ABCA13: variants seen among roughly 807,000 people sequenced by gnomAD.
The protein encoded by ABCA13 is ATP-binding cassette sub-family A member 13.
Under a neutral mutation model 478.7 loss-of-function variants are expected in ABCA13, and 476 were observed. That is an observed-to-expected ratio of 0.99 (90% CI 0.92 to 1.07). ABCA13 has a LOEUF of 1.07. ABCA13 is among the 50% of genes least tolerant of loss of function. The pLI is 0.00. For synonymous variants in ABCA13, 2,252 were observed against 2,158.9 expected (o/e 1.04, Z -1.20); for missense variants, 6,060 against 5,910.6 (o/e 1.03, Z -0.83).
intron 45 of ABCA13, among the ~76,000 whole-genome samples, chr7:48,473,425 A>G (rs906833811): frequency 6.6e-6 from 1 of 152,154 alleles, no homozygotes; most frequent in African/African-American, 2.4e-5. Context: ...CTGTGAGGGA[A>G]TTCATCTCCC....
intron 7 of ABCA13, among the ~76,000 whole-genome samples, chr7:48,232,663 CTG>C (rs1010506175): frequency 7.9e-5 from 12 of 152,288 alleles, no homozygotes; most frequent in African/African-American, 2.9e-4. Context: ...TCTGAATTCT[CTG>C]TTGTTTAGCA....
chr7:48,485,393 A>G (rs1829193734), intron 47 of ABCA13, among the ~76,000 whole-genome samples: 1 of 152,156 alleles, frequency 6.6e-6, no homozygotes, highest in Non-Finnish European at 1.5e-5. Context: ...AGGGAAGGAA[A>G]TCCCACAGCT....
chr7:48,219,015 T>A (rs1786918706), intron 3 of ABCA13, among the ~76,000 whole-genome samples: 1 of 152,244 alleles, frequency 6.6e-6, no homozygotes, highest in Non-Finnish European at 1.5e-5. Context: ...ATGTCCGTAC[T>A]GTTCACTGAT....
chr7:48,246,291 G>A (rs946015032), intron 13 of ABCA13, among the ~76,000 whole-genome samples: 20 of 152,058 alleles, frequency 1.3e-4, no homozygotes, highest in African/African-American at 4.6e-4. Flanking sequence ...TTCTTTTCTG[G>A]CTTCCTGGAT....
At chr7:48,602,380 C>T (rs1425877253) in intron 58 of ABCA13, among the ~76,000 whole-genome samples, 1 of 152,038 alleles carries the variant, frequency 6.6e-6, no homozygotes, top group Non-Finnish European at 1.5e-5. Flanking sequence ...GTCTTTAATC[C>T]ATCTTGAGTT....
intron 21 of ABCA13, 30 bp downstream of exon 21, chr7:48,295,893 C>G (rs1799292382): frequency 6.4e-7 from 1 of 1,566,640 alleles, no homozygotes. Context: ...CATGCCCTCC[C>G]CAGTACTTCC....
At chr7:48,252,897 T>C (rs1792790138) in intron 15 of ABCA13, among the ~76,000 whole-genome samples, 1 of 152,228 alleles carries the variant, frequency 6.6e-6, no homozygotes, top group South Asian at 2.1e-4. Flanking sequence ...CTCTTGAGAT[T>C]TGGACACTTG....
chr7:48,234,493 G>A (rs952752112), intron 8 of ABCA13, among the ~76,000 whole-genome samples: 1 of 152,190 alleles, frequency 6.6e-6, no homozygotes, highest in Admixed American at 6.5e-5. Context: ...GGAAGATGGT[G>A]CACCAGCTGT....
chr7:48,372,370 G>A lies in ABCA13; in HGVS notation c.11006G>A (p.Ser3669Asn). 1 of 1,613,890 alleles carries A rather than the reference G, an allele frequency of 6.2e-7. No homozygotes were observed. The highest frequency in any genetic ancestry group is 1.1e-5 in the South Asian group (1 of 91,082). The stretch of plus-strand genomic sequence containing the variant: ...GTCGTCATGCTGAGCTACCTCTTGA[G>A]TGCATTTTTCAGCCAAGCTAATACA... Reference protein sequence around the residue: ...MSVVMLSYLLSAFFSQANTAA... With the variant: ...MSVVMLSYLLNAFFSQANTAA... The change falls in exon 33 of 62, where the codon AGT becomes AAT. Residue 3669 changes from serine (S) to asparagine (N), a missense_variant. Coordinates refer to ENST00000435803, the MANE Select transcript of ABCA13 (RefSeq NM_152701.5).
At chr7:48,558,084 A>G (rs1360514325) in intron 55 of ABCA13, among the ~76,000 whole-genome samples, 1 of 150,324 alleles carries the variant, frequency 6.7e-6, no homozygotes, top group Non-Finnish European at 1.5e-5. Flanking sequence ...TATACTGTTA[A>G]GAGGCTCTGA....
chr7:48,490,710 A>T (rs971004763), intron 48 of ABCA13, among the ~76,000 whole-genome samples: 2 of 152,238 alleles, frequency 1.3e-5, no homozygotes, highest in African/African-American at 4.8e-5. Context: ...ATGTAGAGGG[A>T]TAATTGTTGA....
intron 1 of ABCA13, among the ~76,000 whole-genome samples, chr7:48,183,734 G>A (rs893506274): frequency 2.0e-5 from 3 of 152,158 alleles, no homozygotes; most frequent in South Asian, 2.1e-4. Flanking sequence ...ACACAATTCC[G>A]AATGAACGAA....
At position 48,274,481 on chromosome 7, in the gene ABCA13, C is replaced by T. The variant is rs1397389278; in HGVS notation, c.4815C>T (p.Ala1605=). 1.2e-6 allele frequency: 2 copies of T among 1,613,720 alleles called. No individual in the cohort carries two copies. Among genetic ancestry groups the T allele is most frequent in the African/African-American group, 1.3e-5 (1 of 74,912 alleles). Residue 1605 remains alanine, a synonymous_variant, in exon 17 of 62, where the codon GCC becomes GCT. Transcript: ENST00000435803. ...NSIYHLASYL[A]FSLSHDLQNS... ...TTTATCACTTAGCTAGTTACCTTGC[C>T]TTCAGCTTATCTCATGACCTCCAAA...
At chr7:48,407,473 CAAAA>C (rs71765027) in intron 39 of ABCA13, among the ~76,000 whole-genome samples, 9 of 140,190 alleles carry the variant, frequency 6.4e-5, no homozygotes, top group Non-Finnish European at 9.3e-5. Flanking sequence ...GAGACTGTGT[CAAAA>C]AAAAAAAATT....
chr7:48,417,226 C>T (rs138136027), intron 41 of ABCA13, among the ~76,000 whole-genome samples: 25 of 152,262 alleles, frequency 1.6e-4, no homozygotes, highest in African/African-American at 4.3e-4. Flanking sequence ...AGATCTGTGA[C>T]GGGGTCAAAT....
chr7:48,424,483 T>C (rs937487119), intron 41 of ABCA13, among the ~76,000 whole-genome samples: 6 of 152,196 alleles, frequency 3.9e-5, no homozygotes, highest in Admixed American at 1.3e-4. Flanking sequence ...CTCATCAACA[T>C]TATAACAAAA....
intron 4 of ABCA13, among the ~76,000 whole-genome samples, 197 bp from the exon 5 acceptor site, chr7:48,221,084 A>C (rs1787295916): frequency 6.6e-6 from 1 of 152,204 alleles, no homozygotes; most frequent in African/African-American, 2.4e-5. Context: ...GAATATACTT[A>C]GATTTGGAAA....
At position 48,367,916 on chromosome 7, in the gene ABCA13, T is replaced by C; in HGVS notation, c.10803+8T>C. The C allele has an allele frequency of 6.4e-7, 1 of 1,551,516 alleles. No individual in the cohort carries two copies. The highest frequency in any genetic ancestry group is 1.2e-5 in the South Asian group (1 of 83,972). On this transcript the variant is annotated splice_region_variant and intron_variant, in intron 32 of 61. Coordinates refer to ENST00000435803, the MANE Select transcript of ABCA13 (RefSeq NM_152701.5). ...GAGATACAGATAGAAGAGGTAAATA[T>C]CCTTAAACCTTGCCTGGGAGACAAA...
intron 23 of ABCA13, among the ~76,000 whole-genome samples, chr7:48,302,543 G>A (rs183388998): frequency 1.8e-4 from 27 of 152,046 alleles, no homozygotes; most frequent in African/African-American, 6.3e-4. Flanking sequence ...TCCCCTCTTT[G>A]TAGCCATGTG....
Sources: gnomAD v4.1 joint callset for allele counts (sites outside exome capture counted in the v4.1 genomes callset) on GRCh38, gnomAD v4.1.1 for gene constraint, MANE v1.5 for transcripts, NCBI Gene and HGNC (gene_info 2026-07-23, HGNC 2026-07-21) for gene names.